PCDH15: variants seen among roughly 807,000 people sequenced by gnomAD.
PCDH15 encodes the protein protocadherin related 15.
A neutral mutation model predicts 178.5 loss-of-function variants in PCDH15; 129 were observed. The observed-to-expected ratio is 0.72, with a 90% CI of 0.63 to 0.84. The LOEUF is 0.84. Ranked by LOEUF, PCDH15 falls within the 40% of genes least tolerant of loss-of-function variation. The probability of loss-of-function intolerance (pLI) is 0.00; values close to 1 mark genes in which losing one functional copy is unlikely to be tolerated. For synonymous variants in PCDH15, 800 were observed against 732.0 expected, an observed-to-expected ratio of 1.09 and a Z score of -1.50; for missense variants, 2,230 against 2,099.9, an observed-to-expected ratio of 1.06 and a Z score of -1.21.
chr10:54,418,030 TTC>T (rs1406471174), intron 3 of PCDH15, among the ~76,000 whole-genome samples: 1 of 152,152 alleles, frequency 6.6e-6, no homozygotes, highest in Non-Finnish European at 1.5e-5. Flanking sequence ...TGGTTTAGCA[TTC>T]TGAGTAGCTG....
chr10:54,133,142 T>C, intron 14 of PCDH15, 135 bp from the exon 15 acceptor site: 1 of 1,091,748 alleles, frequency 9.2e-7, no homozygotes, highest in South Asian at 1.4e-5. Context: ...ACAATCAAAA[T>C]GAAAGGATAG....
chr10:54,175,350 T>C (rs985152751), intron 13 of PCDH15, among the ~76,000 whole-genome samples: 1 of 152,166 alleles, frequency 6.6e-6, no homozygotes, highest in Non-Finnish European at 1.5e-5. Flanking sequence ...AAAAACAGAA[T>C]TTAATATGTA....
intron 2 of PCDH15, among the ~76,000 whole-genome samples, chr10:55,037,230 C>T (rs537382549): frequency 5.9e-4 from 90 of 152,032 alleles, no homozygotes; most frequent in African/African-American, 2.0e-3. Flanking sequence ...TTAATGACAT[C>T]TTAATTTTTT....
intron 3 of PCDH15, among the ~76,000 whole-genome samples, chr10:54,518,653 TC>T (rs1206995213): frequency 5.3e-5 from 8 of 152,154 alleles, no homozygotes; most frequent in African/African-American, 1.9e-4. Flanking sequence ...CTGGTACCAT[TC>T]CTTCTGAAAT....
At chr10:55,325,960 C>T (rs555044471) in intron 2 of PCDH15, among the ~76,000 whole-genome samples, 6 of 149,116 alleles carry the variant, frequency 4.0e-5, no homozygotes, top group East Asian at 3.9e-4. Context: ...AGAAGACATA[C>T]GTGCAGCCTA....
chr10:55,315,400 A>G lies in PCDH15; in HGVS notation c.-156+4199T>C, dbSNP rs551481621. Among the ~76,000 whole-genome samples the G allele has an allele frequency of 9.2e-5, 14 of 152,334 alleles. No individual in the cohort carries two copies. The South Asian group carries it at 2.5e-3, about 27-fold the overall frequency. On this transcript the variant is annotated intron_variant, in intron 1 of 5. Transcript: ENST00000458638. The stretch of plus-strand genomic sequence containing the variant: ...CTAGAGTTTAATTCAAGTGCTGTAG[A>G]TGACAAAACCTTATTGAAAAATATT...
Position 54,725,417 on chromosome 10 carries a change from C to T in PCDH15, c.-28-61127G>A, listed in dbSNP as rs146202283. Among the ~76,000 whole-genome samples, 1,378 of 145,964 alleles carry T rather than the reference C, an allele frequency of 9.4e-3. 20 individuals are homozygous for T. The highest frequency in any genetic ancestry group is 0.055 in the East Asian group (279 of 5,054). On this transcript the variant is annotated intron_variant, in intron 1 of 37. Transcript: ENST00000644397. ...TTAGATCAGGCATGATTCCTCATGCCAGTAATCCCAGCAATTTGGGAGACC... is the reference window on the plus strand; with the variant it reads ...TTAGATCAGGCATGATTCCTCATGCTAGTAATCCCAGCAATTTGGGAGACC...
At chr10:55,607,102 T>C (rs1589178483) in intron 2 of PCDH15, among the ~76,000 whole-genome samples, 1 of 152,138 alleles carries the variant, frequency 6.6e-6, no homozygotes, top group African/African-American at 2.4e-5. Flanking sequence ...TGAACATACA[T>C]TTCTCAAAAG....
chr10:53,988,673 A>G (rs1298781411), intron 21 of PCDH15, among the ~76,000 whole-genome samples: 1 of 152,158 alleles, frequency 6.6e-6, no homozygotes, highest in African/African-American at 2.4e-5. Context: ...TTCCCCTGGC[A>G]AGACACTCAG....
intron 2 of PCDH15, among the ~76,000 whole-genome samples, chr10:55,540,639 G>C (rs1420376656): frequency 2.0e-5 from 3 of 152,036 alleles, no homozygotes; most frequent in Non-Finnish European, 4.4e-5. Flanking sequence ...AGTTTCTAAG[G>C]AAATGTTATG....
intron 26 of PCDH15, among the ~76,000 whole-genome samples, chr10:53,891,804 A>ATT (rs1343103406): frequency 5.9e-5 from 9 of 151,304 alleles, no homozygotes; most frequent in South Asian, 4.2e-4. Context: ...AATAAAAAAA[A>ATT]AAAAAAAATA....
Position 55,392,255 on chromosome 10 carries a change from T to C in PCDH15, c.-155-225604A>G, listed in dbSNP as rs571310633. On this transcript the variant is annotated intron_variant, in intron 2 of 5. Transcript: ENST00000613346. ...AGAAACATAGAGTGAGCACATTCTC[T>C]TGGAAAAATGGTGGTGATAGACTTG... Among the ~76,000 whole-genome samples the C allele has an allele frequency of 2.6e-5, 4 of 152,304 alleles. No homozygotes were observed. The South Asian group carries it at 8.3e-4, about 32-fold the overall frequency.
At chr10:54,455,402 G>A (rs1484548095) in intron 3 of PCDH15, among the ~76,000 whole-genome samples, 2 of 152,076 alleles carry the variant, frequency 1.3e-5, no homozygotes, top group Non-Finnish European at 2.9e-5. Flanking sequence ...TGTGTTGAAC[G>A]GTTTTGACCA....
chr10:55,059,871 A>T (rs894706775), intron 2 of PCDH15, among the ~76,000 whole-genome samples: 7 of 152,138 alleles, frequency 4.6e-5, no homozygotes, highest in Non-Finnish European at 7.4e-5. Flanking sequence ...ATGCGATTTT[A>T]AAATTATAGA....
At chr10:53,952,433 A>G (rs1381017488) in intron 23 of PCDH15, among the ~76,000 whole-genome samples, 1 of 152,136 alleles carries the variant, frequency 6.6e-6, no homozygotes, top group Non-Finnish European at 1.5e-5. Context: ...TCCTATCCTC[A>G]AGCAGGTTGT....
chr10:54,881,916 A>G (rs1374064449), intron 3 of PCDH15, among the ~76,000 whole-genome samples: 3 of 152,162 alleles, frequency 2.0e-5, no homozygotes, highest in Non-Finnish European at 4.4e-5. Context: ...TTTAAATATT[A>G]TATACAGCGC....
At chr10:55,575,049 A>C (rs1264042504) in intron 2 of PCDH15, among the ~76,000 whole-genome samples, 1 of 152,068 alleles carries the variant, frequency 6.6e-6, no homozygotes, top group Non-Finnish European at 1.5e-5. Context: ...TTTTACTCAC[A>C]AAAATCAGAG....
chr10:54,230,782 G>A (rs1187103983), intron 9 of PCDH15, among the ~76,000 whole-genome samples: 6 of 151,904 alleles, frequency 3.9e-5, no homozygotes, highest in African/African-American at 1.5e-4. Flanking sequence ...AAAAAATACT[G>A]TTAGCAATAT....
At chr10:54,893,927 T>C (rs1263700515) in intron 3 of PCDH15, among the ~76,000 whole-genome samples, 1 of 152,128 alleles carries the variant, frequency 6.6e-6, no homozygotes, top group African/African-American at 2.4e-5. Context: ...TTTCTCTCAC[T>C]GTAGCCTTGC....
Sources: allele counts gnomAD v4.1 joint callset (sites outside exome capture counted in the v4.1 genomes callset), GRCh38; gene constraint gnomAD v4.1.1; transcripts MANE v1.5; gene names NCBI Gene and HGNC (gene_info 2026-07-23, HGNC 2026-07-21).